The following NPR3 variants were observed in gnomAD, a reference collection of about 807,000 sequenced individuals.
The protein encoded by NPR3 is natriuretic peptide receptor 3.
NPR3 carries 34 observed loss-of-function variants against 54.5 expected under a neutral mutation model. The ratio of observed to expected loss-of-function variants is 0.62; its 90% CI spans 0.47 to 0.83. NPR3 has a LOEUF of 0.83. NPR3 is among the 40% of genes least tolerant of loss of function. NPR3 has a pLI of 0.00. For synonymous variants in NPR3, 289 were observed against 297.1 expected, an observed-to-expected ratio of 0.97 and a Z score of 0.28; for missense variants, 674 against 720.8, an observed-to-expected ratio of 0.94 and a Z score of 0.74.
At position 32,738,959 on chromosome 5, in the gene NPR3, C is replaced by A. The variant is rs1251562227; in HGVS notation, c.988C>A (p.Pro330Thr). 3.7e-6 allele frequency: 6 copies of A among 1,613,810 alleles called. No homozygotes were observed. Among genetic ancestry groups the A allele is most frequent in the Non-Finnish European group, 5.1e-6 (6 of 1,179,862 alleles). The change falls in exon 3 of 8, where the codon CCT becomes ACT. Residue 330 changes from proline to threonine, a missense_variant. By Grantham distance (38) the Pro-to-Thr change is conservative. Transcript: ENST00000265074. ...AGTCACTCTACTGAGGACAGTGAAACCTGAGTTTGAGAAGTTTTCCATGGA... is the reference window on the plus strand; with the variant it reads ...AGTCACTCTACTGAGGACAGTGAAAACTGAGTTTGAGAAGTTTTCCATGGA... ...QTVTLLRTVK[P>T]EFEKFSMEVK... is the part of the protein sequence containing the mutation.
chr5:32,772,194 T>C (rs553095436), intron 3 of NPR3, among the ~76,000 whole-genome samples: 2 of 152,360 alleles, frequency 1.3e-5, no homozygotes, highest in South Asian at 4.1e-4. Flanking sequence ...ACACTTAAGC[T>C]TGACAGCTAA....
In NPR3 at chr5:32,782,325, C is replaced by T. The variant is rs543124300; in HGVS notation, c.1291-568C>T. Among the ~76,000 whole-genome samples, 248 of 151,584 alleles carry T rather than the reference C, an allele frequency of 1.6e-3. 1 individual carries two copies. Among genetic ancestry groups the T allele is most frequent in the Non-Finnish European group, 2.7e-3 (186 of 67,866 alleles). On this transcript the variant is annotated intron_variant, in intron 5 of 7. Transcript: ENST00000265074. Reference sequence around the variant, plus strand: ...CTGGGTACCTGTCATATGCTTAAATCGGGTATACGGTGGACCCTGGCTGTC... The same window carrying T: ...CTGGGTACCTGTCATATGCTTAAATTGGGTATACGGTGGACCCTGGCTGTC...
intron 1 of NPR3, chr5:32,716,823 A>C (rs946116145): frequency 3.1e-4 from 48 of 153,368 alleles, no homozygotes; most frequent in African/African-American, 1.2e-3. Context: ...TAATCTTCTA[A>C]TTCTTTATTT....
chr5:32,750,755 A>G (rs896067009), intron 3 of NPR3, among the ~76,000 whole-genome samples: 1 of 152,204 alleles, frequency 6.6e-6, no homozygotes, highest in East Asian at 1.9e-4. Context: ...CCATTTGGTT[A>G]TAGTTTCCTT....
At chr5:32,750,207 C>A (rs1740503878) in intron 3 of NPR3, among the ~76,000 whole-genome samples, 1 of 152,192 alleles carries the variant, frequency 6.6e-6, no homozygotes, top group African/African-American at 2.4e-5. Flanking sequence ...CGGCTCACTG[C>A]AACCTCCGCT....
At chr5:32,748,051 G>C (rs1350486653) in intron 3 of NPR3, among the ~76,000 whole-genome samples, 1 of 152,078 alleles carries the variant, frequency 6.6e-6, no homozygotes, top group African/African-American at 2.4e-5. Context: ...ATCATGCCCG[G>C]CAGGAAAATC....
At chr5:32,692,658 G>T (rs1740422226) in intron 1 of NPR3, among the ~76,000 whole-genome samples, 1 of 152,162 alleles carries the variant, frequency 6.6e-6, no homozygotes, top group African/African-American at 2.4e-5. Context: ...ATACCAACTG[G>T]AATGTACTTG....
Position 32,712,036 on chromosome 5 carries a change from G to C in NPR3, c.260G>C (p.Gly87Ala). 6.2e-7 allele frequency: 1 copy of C among 1,613,824 alleles called. No individual in the cohort carries two copies. Among genetic ancestry groups the C allele is most frequent in the Non-Finnish European group, 8.5e-7 (1 of 1,179,800 alleles). The stretch of plus-strand genomic sequence containing the variant: ...GCTCTGCGCAGCGTGGAGGGCAACG[G>C]GACTGGGAGGCGGCTTCTGCCGCCG... ...EYALRSVEGN[G>A]TGRRLLPPGT... The change falls in exon 1 of 8, where the codon GGG (glycine) becomes GCG (alanine). Residue 87 changes from glycine (G) to alanine (A), a missense_variant. Transcript: ENST00000265074.
At chr5:32,753,284 G>C (rs545244243) in intron 3 of NPR3, among the ~76,000 whole-genome samples, 1 of 151,700 alleles carries the variant, frequency 6.6e-6, no homozygotes, top group Admixed American at 6.6e-5. Flanking sequence ...GCAATGCAGC[G>C]TGGGAATATG....
chr5:32,721,584 G>A (rs947059605), intron 1 of NPR3, among the ~76,000 whole-genome samples: 17 of 152,184 alleles, frequency 1.1e-4, no homozygotes, highest in Non-Finnish European at 2.5e-4. Flanking sequence ...GATGGAGGTT[G>A]CAGTGAGCTA....
intron 4 of NPR3, 103 bp downstream of exon 4, chr5:32,774,946 GC>G (rs1458595667): frequency 5.9e-6 from 5 of 846,572 alleles, no homozygotes; most frequent in Non-Finnish European, 9.9e-6. Flanking sequence ...CCAGCGTCTT[GC>G]TTTTCTCAGC....
At chr5:32,705,678 A>T (rs1435733455), upstream of NPR3, among the ~76,000 whole-genome samples, 2 of 151,932 alleles carry the variant, frequency 1.3e-5, no homozygotes, top group Non-Finnish European at 2.9e-5. Flanking sequence ...TGACCCAATC[A>T]CCTCCCACCA....
At chr5:32,711,137 G>T (rs1045735714), upstream of NPR3, among the ~76,000 whole-genome samples, 4 of 152,044 alleles carry the variant, frequency 2.6e-5, no homozygotes, top group Non-Finnish European at 5.9e-5. Context: ...GGTAGTGAAG[G>T]GGTGCAGGGA....
At chr5:32,751,710 TCTCC>T (rs1280392384) in intron 3 of NPR3, among the ~76,000 whole-genome samples, 3 of 152,102 alleles carry the variant, frequency 2.0e-5, no homozygotes, top group African/African-American at 7.2e-5. Flanking sequence ...CTCTCCCAGG[TCTCC>T]CTCTGACACT....
Position 32,711,524 on chromosome 5 carries a change from A to T in NPR3, c.-253A>T, listed in dbSNP as rs1181796873. 5.8e-6 allele frequency: 7 copies of T among 1,203,102 alleles called. No individual in the cohort carries two copies. Among genetic ancestry groups the T allele is most frequent in the Admixed American group, 8.5e-5 (2 of 23,462 alleles). The allele number at this position is 1,203,102 out of a possible 1,614,324, so 74.5% of individuals were successfully genotyped here. On this transcript the variant is annotated 5_prime_UTR_variant, in exon 1 of 8. Transcript: ENST00000265074. ...AAGTATATATATATGTATATTACAG[A>T]CGCACAGGTTTACACCCGGTGAACT...
At chr5:32,767,000 C>T (rs1239248860) in intron 3 of NPR3, among the ~76,000 whole-genome samples, 1 of 152,164 alleles carries the variant, frequency 6.6e-6, no homozygotes, top group Non-Finnish European at 1.5e-5. Flanking sequence ...CCCTCTCATT[C>T]CCTCTCCAGG....
Position 32,711,547 on chromosome 5 carries a change from A to ACTTTTT in NPR3, c.-211_-206dup, listed in dbSNP as rs59057102. 884,142 of 965,810 alleles carry ACTTTTT rather than the reference A, an allele frequency of 0.92. 401,897 individuals are homozygous for ACTTTTT. The highest frequency in any genetic ancestry group is 0.93 in the South Asian group (18,187 of 19,478). The allele number at this position is 965,810 out of a possible 1,614,324, so 59.8% of individuals were successfully genotyped here. A position where few individuals can be genotyped will look rare whatever the true frequency, so the allele number is the denominator to read the frequency against. ...AGACGCACAGGTTTACACCCGGTGA[A>ACTTTTT]CTTTTTCTTTTTCTTTTTCTTTTTT... is the stretch of plus-strand genomic sequence containing the variant. On this transcript the variant is annotated 5_prime_UTR_variant, in exon 1 of 8. Coordinates refer to ENST00000265074, the MANE Select transcript of NPR3 (RefSeq NM_001204375.2).
intron 3 of NPR3, among the ~76,000 whole-genome samples, chr5:32,756,306 G>C (rs570038186): frequency 4.4e-4 from 67 of 152,302 alleles, no homozygotes; most frequent in Middle Eastern, 6.8e-3. Context: ...TAACTGGTGT[G>C]AGATGGTATC....
At position 32,712,506 on chromosome 5, in the gene NPR3, C is replaced by T; in HGVS notation, c.730C>T (p.Leu244=). Reference sequence around the variant, plus strand: ...TTTCGACGAGACCAAAGACTTGGATCTGGAAGACATCGTGCGCAATATCCA... The same window carrying T: ...TTTCGACGAGACCAAAGACTTGGATTTGGAAGACATCGTGCGCAATATCCA... ...YSFDETKDLD[L]EDIVRNIQAS... The change falls in exon 1 of 8, where the codon CTG becomes TTG. Residue 244 remains leucine (L), a synonymous_variant. Coordinates refer to ENST00000265074, the MANE Select transcript of NPR3 (RefSeq NM_001204375.2). 1.3e-6 allele frequency: 2 copies of T among 1,548,348 alleles called. No individual in the cohort carries two copies. Among genetic ancestry groups the T allele is most frequent in the Non-Finnish European group, 1.7e-6 (2 of 1,149,398 alleles).
Sources: gnomAD v4.1 joint callset for allele counts (sites outside exome capture counted in the v4.1 genomes callset) on GRCh38, gnomAD v4.1.1 for gene constraint, MANE v1.5 for transcripts, NCBI Gene and HGNC (gene_info 2026-07-23, HGNC 2026-07-21) for gene names.